Variants in GRIK4 observed in about 807,000 individuals in gnomAD.
The protein encoded by GRIK4 is glutamate ionotropic receptor kainate type subunit 4.
A neutral mutation model predicts 104.9 loss-of-function variants in GRIK4; 40 were observed. The ratio of observed to expected loss-of-function variants is 0.38; its 90% confidence interval spans 0.30 to 0.50. The LOEUF (loss-of-function observed/expected upper bound fraction) is 0.50. Ranked by LOEUF, GRIK4 falls within the 20% of genes least tolerant of loss-of-function variation. GRIK4 has a pLI of 0.93. For missense variants in GRIK4, 1,047 were observed against 1,308.1 expected, an observed-to-expected ratio of 0.80 and a Z score of 3.08; for synonymous variants, 485 against 524.9, an observed-to-expected ratio of 0.92 and a Z score of 1.04.
At chr11:120,768,144 G>A (rs181311467) in intron 3 of GRIK4, among the ~76,000 whole-genome samples, 1 of 151,952 alleles carries the variant, frequency 6.6e-6, no homozygotes, top group Non-Finnish European at 1.5e-5. Flanking sequence ...GCTTTGGGTA[G>A]TATGGGCATT....
chr11:120,634,636 T>C (rs7121154), intron 1 of GRIK4, among the ~76,000 whole-genome samples: 134,224 of 152,100 alleles, frequency 0.88, 59,543 homozygotes, highest in East Asian at 0.98. Flanking sequence ...GTCTGTCAGA[T>C]GGGAGACTTG....
intron 1 of GRIK4, among the ~76,000 whole-genome samples, chr11:120,574,728 A>G (rs1192293649): frequency 3.3e-5 from 5 of 152,186 alleles, no homozygotes; most frequent in African/African-American, 1.2e-4. Flanking sequence ...GGAATGAACC[A>G]ATTCTTACAG....
intron 3 of GRIK4, among the ~76,000 whole-genome samples, chr11:120,682,116 G>T (rs1367359839): frequency 3.3e-5 from 5 of 152,214 alleles, no homozygotes; most frequent in Non-Finnish European, 7.4e-5. Context: ...AAACCGAGCT[G>T]CTGAGACAGT....
chr11:120,705,490 T>C (rs1346950006), intron 3 of GRIK4, among the ~76,000 whole-genome samples: 2 of 152,126 alleles, frequency 1.3e-5, no homozygotes, highest in Non-Finnish European at 2.9e-5. Context: ...ACTCCCAAAT[T>C]GTTGGGATTA....
intron 3 of GRIK4, among the ~76,000 whole-genome samples, chr11:120,728,082 A>C (rs1476200495): frequency 6.6e-6 from 1 of 152,174 alleles, no homozygotes; most frequent in Admixed American, 6.5e-5. Flanking sequence ...CACACTGTGC[A>C]CCTCAGAATA....
chr11:120,835,274 T>C (rs1953544135), intron 7 of GRIK4, among the ~76,000 whole-genome samples: 1 of 152,172 alleles, frequency 6.6e-6, no homozygotes, highest in Non-Finnish European at 1.5e-5. Context: ...ACGCCTGTAA[T>C]CCCAGCACTT....
intron 1 of GRIK4, among the ~76,000 whole-genome samples, chr11:120,544,946 G>A (rs1226057505): frequency 3.3e-5 from 5 of 152,168 alleles, no homozygotes; most frequent in East Asian, 1.9e-4. Flanking sequence ...CTCCCAGGGT[G>A]CGCTCAGTGT....
chr11:120,933,486 G>C (rs988015653), intron 13 of GRIK4, among the ~76,000 whole-genome samples: 5 of 152,098 alleles, frequency 3.3e-5, no homozygotes, highest in Non-Finnish European at 5.9e-5. Context: ...TTATACCCGC[G>C]TTACAGATAA....
At chr11:120,602,648 G>A (rs979216809) in intron 1 of GRIK4, among the ~76,000 whole-genome samples, 3 of 152,202 alleles carry the variant, frequency 2.0e-5, no homozygotes, top group African/African-American at 7.2e-5. Flanking sequence ...AGGCCTATCT[G>A]GGTATGAGGG....
At chr11:120,552,818 G>T (rs532045692) in intron 1 of GRIK4, among the ~76,000 whole-genome samples, 1 of 152,194 alleles carries the variant, frequency 6.6e-6, no homozygotes, top group African/African-American at 2.4e-5. Context: ...TGGCCAACAT[G>T]GTGAAACCCT....
At chr11:120,895,234 G>A (rs1256143863) in intron 11 of GRIK4, among the ~76,000 whole-genome samples, 1 of 152,116 alleles carries the variant, frequency 6.6e-6, no homozygotes, top group East Asian at 1.9e-4. Context: ...AGTGGCGGTG[G>A]GAAAGTGGGT....
At chr11:120,863,608 A>T (rs748957285) in intron 9 of GRIK4, among the ~76,000 whole-genome samples, 29 of 152,244 alleles carry the variant, frequency 1.9e-4, no homozygotes, top group Non-Finnish European at 4.0e-4. Flanking sequence ...GGTCTAGGAG[A>T]TGGCAATGGA....
At chr11:120,588,745 C>T (rs77805132) in intron 1 of GRIK4, among the ~76,000 whole-genome samples, 1,922 of 152,230 alleles carry the variant, frequency 0.013, 45 homozygotes, top group Non-Finnish European at 0.015. Context: ...CCTGTGTACT[C>T]TAGGGTGTTT....
At chr11:120,760,363 T>C (rs1332197487) in intron 3 of GRIK4, among the ~76,000 whole-genome samples, 1 of 148,338 alleles carries the variant, frequency 6.7e-6, no homozygotes, top group Non-Finnish European at 1.5e-5. Flanking sequence ...CACAATGGAA[T>C]ATTTTATATA....
Position 120,931,104 on chromosome 11 carries a change from G to T in GRIK4, c.1477-9243G>T, listed in dbSNP as rs1464206138. Among the ~76,000 whole-genome samples, 6 of 152,188 alleles carry T rather than the reference G, an allele frequency of 3.9e-5. 1 individual carries two copies. On this transcript the variant is annotated intron_variant, in intron 13 of 20. Transcript: ENST00000527524. ...CCCACTTTACAGATAAGAAAAACGA[G>T]CTGGGAGAGGATATCACAGCTATCT...
At chr11:120,792,800 C>T (rs912723338) in intron 3 of GRIK4, among the ~76,000 whole-genome samples, 7 of 152,100 alleles carry the variant, frequency 4.6e-5, no homozygotes, top group African/African-American at 9.7e-5. Flanking sequence ...TCTGCAGATA[C>T]GTTCATGGAG....
chr11:120,819,400 T>G lies in GRIK4; in HGVS notation c.346-355T>G, dbSNP rs1953046751. 6.6e-6 allele frequency among the ~76,000 whole-genome samples: 1 copy of G among 152,230 alleles called. No homozygotes were observed. Among genetic ancestry groups the G allele is most frequent in the Non-Finnish European group, 1.5e-5 (1 of 68,044 alleles). On this transcript the variant is annotated intron_variant, in intron 5 of 20. Transcript: ENST00000527524. This position sits in a 1 kb window ranked among gnomAD's most constrained non-coding sequence, Gnocchi z 4.3. ...ATAAAATATTCTAAGGATTATGCTT[T>G]CAAGAGCCAACTGTCTCTCTGCCAG...
intron 3 of GRIK4, among the ~76,000 whole-genome samples, chr11:120,711,347 C>T (rs1036681910): frequency 3.9e-5 from 6 of 152,186 alleles, no homozygotes; most frequent in African/African-American, 9.7e-5. Context: ...AGATGTTCCT[C>T]GCTTCATCTG....
At chr11:120,853,393 A>G (rs2135603873) in intron 8 of GRIK4, among the ~76,000 whole-genome samples, 1 of 152,348 alleles carries the variant, frequency 6.6e-6, no homozygotes, top group South Asian at 2.1e-4. Context: ...GAAGTGCAAG[A>G]CTAAAGGAGG....
Sources: allele counts gnomAD v4.1 joint callset (sites outside exome capture counted in the v4.1 genomes callset), GRCh38; gene constraint gnomAD v4.1.1; non-coding constraint Gnocchi (gnomAD v3.1); transcripts MANE v1.5; gene names NCBI Gene and HGNC (gene_info 2026-07-23, HGNC 2026-07-21).